Variants in NSUN3 observed in about 807,000 individuals in gnomAD.
NSUN3 encodes the protein NOP2/Sun RNA methyltransferase 3, also known as tRNA (cytosine(34)-C(5))-methyltransferase, mitochondrial.
Under a neutral mutation model 36.8 loss-of-function variants are expected in NSUN3, and 24 were observed. The ratio of observed to expected loss-of-function variants is 0.65; its 90% CI spans 0.47 to 0.92. The LOEUF (loss-of-function observed/expected upper bound fraction) is 0.92. Among genes scored for constraint, NSUN3 ranks in the 40% least tolerant of loss-of-function variants. The pLI is 0.00. For missense variants in NSUN3, 381 were observed against 392.8 expected, an observed-to-expected ratio of 0.97 and a Z score of 0.25; for synonymous variants, 146 against 145.2, an observed-to-expected ratio of 1.01 and a Z score of -0.04.
chr3:94,097,563 G>T (rs1228753331), intron 5 of NSUN3, among the ~76,000 whole-genome samples: 1 of 152,086 alleles, frequency 6.6e-6, no homozygotes, highest in African/African-American at 2.4e-5. Flanking sequence ...CGACAGGTCT[G>T]CTAGCATTTT....
chr3:94,099,679 A>G (rs1229399288), intron 5 of NSUN3, among the ~76,000 whole-genome samples: 1 of 152,076 alleles, frequency 6.6e-6, no homozygotes, highest in Non-Finnish European at 1.5e-5. Flanking sequence ...TATCCAAGCT[A>G]TAGGCAGAGA....
chr3:94,122,646 CT>C (rs1183966913), intron 5 of NSUN3, among the ~76,000 whole-genome samples: 3 of 152,148 alleles, frequency 2.0e-5, no homozygotes, highest in Non-Finnish European at 4.4e-5. Context: ...CACATCACAC[CT>C]TTTTTGTCTT....
chr3:94,096,759 C>A (rs2077342739), intron 5 of NSUN3, among the ~76,000 whole-genome samples: 1 of 152,138 alleles, frequency 6.6e-6, no homozygotes, highest in Non-Finnish European at 1.5e-5. Flanking sequence ...CTTGGCCTCC[C>A]AAACTGCTGG....
intron 2 of NSUN3, among the ~76,000 whole-genome samples, chr3:94,080,375 A>G (rs996415254): frequency 1.3e-5 from 2 of 152,150 alleles, no homozygotes; most frequent in African/African-American, 2.4e-5. Context: ...CCCAGTCAGG[A>G]TACACAGCGG....
At chr3:94,092,893 C>T (rs996095420) in intron 3 of NSUN3, among the ~76,000 whole-genome samples, 2 of 118,930 alleles carry the variant, frequency 1.7e-5, no homozygotes, top group African/African-American at 3.3e-5. Context: ...GAACTTCAGC[C>T]TGGGCAACAG....
In NSUN3 at chr3:94,129,171, A is replaced by T. The variant is rs2077499772; in HGVS notation, c.*2681A>T. ...AGTGGGTATATACCCACAGGAAAAT[A>T]AATTGTCCTACAAAAAAAGACATAA... On this transcript the variant is annotated 3_prime_UTR_variant, in exon 6 of 6. Transcript: ENST00000314622. 6.6e-6 allele frequency among the ~76,000 whole-genome samples: 1 copy of T among 152,218 alleles called. No individual in the cohort carries two copies. The highest frequency in any genetic ancestry group is 6.5e-5 in the Admixed American group (1 of 15,274).
chr3:94,126,657 A>AT lies in NSUN3; in HGVS notation c.*174dup. The AT allele has an allele frequency of 1.7e-6, 1 of 594,474 alleles. No homozygotes were observed. Among genetic ancestry groups the AT allele is most frequent in the Non-Finnish European group, 2.9e-6 (1 of 349,884 alleles). The allele number at this position is 594,474 out of a possible 1,614,324, so 36.8% of individuals were successfully genotyped here. On this transcript the variant is annotated 3_prime_UTR_variant, in exon 6 of 6. Coordinates refer to ENST00000314622, the MANE Select transcript of NSUN3 (RefSeq NM_022072.5). ...CTAGGCTTGAGAATTGTTCAGGTGT[A>AT]TTTTTTTCCTAGAAATATATCTGTA... is the stretch of plus-strand genomic sequence containing the variant.
chr3:94,095,623 A>G (rs954660632), intron 5 of NSUN3, among the ~76,000 whole-genome samples: 1 of 152,148 alleles, frequency 6.6e-6, no homozygotes, highest in Admixed American at 6.5e-5. Flanking sequence ...GCCACTGAAC[A>G]TTTGGTTTCA....
intron 5 of NSUN3, among the ~76,000 whole-genome samples, chr3:94,108,506 G>T (rs6809577): frequency 6.6e-6 from 1 of 151,146 alleles, no homozygotes; most frequent in African/African-American, 2.4e-5. Flanking sequence ...GACTACAGGC[G>T]CACGCCACCA....
At chr3:94,074,185 G>A (rs1484535977) in intron 2 of NSUN3, among the ~76,000 whole-genome samples, 2 of 152,168 alleles carry the variant, frequency 1.3e-5, no homozygotes, top group Admixed American at 6.5e-5. Flanking sequence ...CCAGTTCCAT[G>A]CCGTTTTGGT....
chr3:94,082,355 A>T (rs988396326), intron 2 of NSUN3, among the ~76,000 whole-genome samples: 12 of 152,156 alleles, frequency 7.9e-5, no homozygotes, highest in African/African-American at 2.9e-4. Context: ...AACTCTGGCT[A>T]GGTCCCTGCA....
chr3:94,072,292 C>T (rs926795268), intron 2 of NSUN3, among the ~76,000 whole-genome samples: 11 of 152,142 alleles, frequency 7.2e-5, no homozygotes, highest in African/African-American at 2.7e-4. Flanking sequence ...TAAAGTCAGT[C>T]TGATTTTGAA....
chr3:94,103,604 T>C (rs1377120920), intron 5 of NSUN3, among the ~76,000 whole-genome samples: 1 of 152,044 alleles, frequency 6.6e-6, no homozygotes, highest in Non-Finnish European at 1.5e-5. Context: ...TGCTATAGTA[T>C]GTAGAGTAAT....
chr3:94,064,452 G>C lies in NSUN3; in HGVS notation c.28G>C (p.Glu10Gln). 6.2e-7 allele frequency: 1 copy of C among 1,613,278 alleles called. No homozygotes were observed. MLTQLKAKS[E>Q]GKLAKQICKV... is the part of the protein sequence containing the mutation. The stretch of plus-strand genomic sequence containing the variant: ...ATCGTCATAGCTGAAAGCAAAATCA[G>C]AGGGGAAGCTTGCAAAACAGATTTG... The change falls in exon 2 of 6, where the codon GAG becomes CAG. Residue 10 changes from glutamate to glutamine, a missense_variant. Glu to Gln is a conservative substitution (Grantham distance 29). Coordinates refer to ENST00000314622, the MANE Select transcript of NSUN3 (RefSeq NM_022072.5).
rs545930308 is a variant in NSUN3 at position 94,125,888 on chromosome 3, C to T, written c.744-323C>T. On this transcript the variant is annotated intron_variant, in intron 5 of 5. Transcript: ENST00000314622. ...CAGCCTGACCAACTTGGTGAAACCC[C>T]GTCTCTACTAAAAATACAAAAATTA... is the stretch of plus-strand genomic sequence containing the variant. 2.5e-4 allele frequency among the ~76,000 whole-genome samples: 38 copies of T among 152,112 alleles called. No individual in the cohort carries two copies. The South Asian group carries it at 6.4e-3, about 26-fold the overall frequency.
intron 2 of NSUN3, chr3:94,075,946 G>A: frequency 1.3e-6 from 2 of 1,512,798 alleles, no homozygotes; most frequent in East Asian, 2.3e-5. Context: ...TTCCTTCAGG[G>A]TCTTCATCAT....
At chr3:94,069,312 G>A (rs1280388517) in intron 2 of NSUN3, among the ~76,000 whole-genome samples, 1 of 152,196 alleles carries the variant, frequency 6.6e-6, no homozygotes, top group Non-Finnish European at 1.5e-5. Context: ...CTCTTCGTTA[G>A]CATCTCTGAG....
rs111774509 is a variant in NSUN3, at chr3:94,105,025, T to G, written c.743+9871T>G. On this transcript the variant is annotated intron_variant, in intron 5 of 5. Coordinates refer to ENST00000314622, the MANE Select transcript of NSUN3 (RefSeq NM_022072.5). ...AACAAAACTGAGCCAATAAGTATAA[T>G]AAGTATATTTAAGTATTTGAAACAT... 3.4e-3 allele frequency among the ~76,000 whole-genome samples: 523 copies of G among 152,342 alleles called. 2 individuals are homozygous for G. Among genetic ancestry groups the G allele is most frequent in the African/African-American group, 0.012 (498 of 41,580 alleles).
At chr3:94,089,586 C>T (rs2077306300) in intron 3 of NSUN3, among the ~76,000 whole-genome samples, 1 of 152,138 alleles carries the variant, frequency 6.6e-6, no homozygotes, top group Admixed American at 6.5e-5. Flanking sequence ...AGTTTCTAAA[C>T]ACACTGTGCG....
Sources: gnomAD v4.1 joint callset for allele counts (sites outside exome capture counted in the v4.1 genomes callset) on GRCh38, gnomAD v4.1.1 for gene constraint, MANE v1.5 for transcripts, NCBI Gene and HGNC (gene_info 2026-07-23, HGNC 2026-07-21) for gene names.